MICAL2: variants seen among roughly 807,000 people sequenced by gnomAD.
MICAL2 encodes the protein [F-actin]-monooxygenase MICAL2.
In MICAL2, 77 loss-of-function variants were observed where a neutral mutation model predicts 127.3. The ratio of observed to expected loss-of-function variants is 0.60; its 90% confidence interval spans 0.50 to 0.73. The LOEUF (loss-of-function observed/expected upper bound fraction) is 0.73, where lower values mean the gene tolerates loss of function less well. Ranked by LOEUF, MICAL2 falls within the 30% of genes least tolerant of loss-of-function variation. MICAL2 has a pLI of 0.00. For missense variants in MICAL2, 1,351 were observed against 1,434.4 expected, an observed-to-expected ratio of 0.94 and a Z score of 0.94; for synonymous variants, 570 against 551.1, an observed-to-expected ratio of 1.03 and a Z score of -0.48.
At chr11:12,292,863 C>A (rs995832022), downstream of MICAL2, among the ~76,000 whole-genome samples, 3 of 152,178 alleles carry the variant, frequency 2.0e-5, no homozygotes, top group African/African-American at 7.2e-5. Flanking sequence ...TGTGCTATGA[C>A]CTGCCCTTCA....
chr11:12,126,806 C>T (rs1398988861), intron 1 of MICAL2, among the ~76,000 whole-genome samples: 2 of 152,092 alleles, frequency 1.3e-5, no homozygotes, highest in East Asian at 3.9e-4. Context: ...GTCCATCTGC[C>T]TGAAGGAGGC....
At chr11:12,123,596 C>T (rs926111119) in intron 1 of MICAL2, among the ~76,000 whole-genome samples, 1 of 152,200 alleles carries the variant, frequency 6.6e-6, no homozygotes, top group Admixed American at 6.5e-5. Context: ...AGTCAAATTT[C>T]CATATGTGAG....
At chr11:12,210,569 C>CTCCCTTTTCCCTTTCCATACCCAT (rs1855328016) in intron 6 of MICAL2, among the ~76,000 whole-genome samples, 1 of 152,048 alleles carries the variant, frequency 6.6e-6, no homozygotes, top group Admixed American at 6.5e-5. Context: ...TCCATACCCA[C>CTCCCTTTTCCCTTTCCATACCCAT]CTCGCCAACC....
At chr11:12,327,204 A>G (rs1303160061) in exon 32 of MICAL2, 1 of 1,551,668 alleles carries the variant, frequency 6.4e-7, no homozygotes, top group Admixed American at 2.0e-5. Flanking sequence ...GAGGTGGAGG[A>G]GCGGCAGAGG....
At chr11:12,321,648 G>A in intron 30 of MICAL2, among the ~76,000 whole-genome samples, 1 of 41,826 alleles carries the variant, frequency 2.4e-5, no homozygotes, top group Non-Finnish European at 6.5e-5. Context: ...TATATGTAAG[G>A]CTGTGTGTTT....
rs1206227860 is a variant in MICAL2, at chr11:12,110,966, ACCG to A, written c.-149+241_-149+243del. On this transcript the variant is annotated intron_variant, in intron 1 of 27. Coordinates refer to ENST00000683283, the MANE Select transcript of MICAL2 (RefSeq NM_001282663.2). This position sits in a 1 kb window ranked among gnomAD's most constrained non-coding sequence, Gnocchi z 4.5. ...AATTAGAACGCAATAAAAGCCTCCC[ACCG>A]GCACGCCGAACTACCTCTTACTCCG... Among the ~76,000 whole-genome samples, 3 of 152,104 alleles carry A rather than the reference ACCG, an allele frequency of 2.0e-5. No individual in the cohort carries two copies. The highest frequency in any genetic ancestry group is 4.4e-5 in the Non-Finnish European group (3 of 68,004).
chr11:12,229,727 A>G (rs1316107656), intron 15 of MICAL2, among the ~76,000 whole-genome samples: 1 of 152,240 alleles, frequency 6.6e-6, no homozygotes, highest in East Asian at 1.9e-4. Flanking sequence ...AGGCCTCCCA[A>G]GGGCTGAGGG....
chr11:12,239,180 A>G (rs1446826844), intron 16 of MICAL2, among the ~76,000 whole-genome samples: 1 of 152,238 alleles, frequency 6.6e-6, no homozygotes. Flanking sequence ...CATCACAGGG[A>G]TAAGAAATGA....
At chr11:12,340,668 G>C (rs559681235) in intron 32 of MICAL2, among the ~76,000 whole-genome samples, 3 of 152,072 alleles carry the variant, frequency 2.0e-5, no homozygotes, top group Non-Finnish European at 4.4e-5. Flanking sequence ...ATAATTTGTG[G>C]TATAGTCATA....
chr11:12,326,630 A>G (rs145034370), intron 31 of MICAL2, among the ~76,000 whole-genome samples: 5 of 152,362 alleles, frequency 3.3e-5, no homozygotes, highest in African/African-American at 4.8e-5. Flanking sequence ...AAGAACAGGT[A>G]CAATTTGTAG....
intron 1 of MICAL2, among the ~76,000 whole-genome samples, chr11:12,133,421 G>T (rs1851585523): frequency 6.6e-6 from 1 of 152,120 alleles, no homozygotes; most frequent in African/African-American, 2.4e-5. Flanking sequence ...ACACCTGAAG[G>T]TGCAGCTTCC....
intron 32 of MICAL2, among the ~76,000 whole-genome samples, chr11:12,334,927 C>A (rs1397664667): frequency 6.6e-6 from 1 of 152,104 alleles, no homozygotes; most frequent in Non-Finnish European, 1.5e-5. Flanking sequence ...GCACATGTGT[C>A]TTTATAGCAG....
chr11:12,190,121 G>T (rs1273969308), intron 3 of MICAL2, among the ~76,000 whole-genome samples: 1 of 152,186 alleles, frequency 6.6e-6, no homozygotes, highest in Non-Finnish European at 1.5e-5. Flanking sequence ...TGTGGCAGCT[G>T]CAAGTTGACT....
chr11:12,154,603 T>C (rs983045236), intron 2 of MICAL2, among the ~76,000 whole-genome samples: 6 of 152,264 alleles, frequency 3.9e-5, no homozygotes, highest in Non-Finnish European at 8.8e-5. Flanking sequence ...CATTATTTTA[T>C]GGAGTTGAAA....
At chr11:12,129,636 C>CTTTT (rs559528778) in intron 1 of MICAL2, among the ~76,000 whole-genome samples, 3,564 of 97,038 alleles carry the variant, frequency 0.037, 216 homozygotes, top group African/African-American at 0.12. Flanking sequence ...TCTTCTTCTT[C>CTTTT]TTTTTTTTTT....
intron 2 of MICAL2, among the ~76,000 whole-genome samples, chr11:12,150,800 G>T (rs569594719): frequency 6.6e-6 from 1 of 152,266 alleles, no homozygotes; most frequent in Admixed American, 6.5e-5. Context: ...GTTTTTAGTC[G>T]TCTTACCATA....
At chr11:12,244,256 A>G in intron 21 of MICAL2, 144 bp downstream of exon 21, 1 of 1,208,654 alleles carries the variant, frequency 8.3e-7, no homozygotes, top group Non-Finnish European at 1.2e-6. Flanking sequence ...GCTGGATTCA[A>G]TTTTGTTTTT....
intron 15 of MICAL2, among the ~76,000 whole-genome samples, chr11:12,231,291 G>A (rs778851136): frequency 5.3e-5 from 8 of 152,224 alleles, no homozygotes; most frequent in Non-Finnish European, 7.3e-5. Context: ...TCCCTGGAGA[G>A]CTCATCCCAG....
chr11:12,282,238 C>CCTTG (rs1320413196), intron 2 of MICAL2, among the ~76,000 whole-genome samples: 1 of 152,126 alleles, frequency 6.6e-6, no homozygotes, highest in Non-Finnish European at 1.5e-5. Flanking sequence ...CATCCAAACA[C>CCTTG]ATTTGTTAAG....
Sources: allele counts gnomAD v4.1 joint callset (sites outside exome capture counted in the v4.1 genomes callset), GRCh38; gene constraint gnomAD v4.1.1; non-coding constraint Gnocchi (gnomAD v3.1); transcripts MANE v1.5; gene names NCBI Gene and HGNC (gene_info 2026-07-23, HGNC 2026-07-21).